PXT1: variants seen among roughly 807,000 people sequenced by gnomAD.
The protein encoded by PXT1 is peroxisomal testis-specific protein 1.
PXT1 carries 11 observed loss-of-function variants against 11.0 expected under a neutral mutation model. The observed-to-expected ratio is 1.00, with a 90% CI of 0.63 to 1.66. The LOEUF (loss-of-function observed/expected upper bound fraction) is 1.66. Among genes scored for constraint, PXT1 ranks in the 40% most tolerant of loss-of-function variants. The pLI, the probability that PXT1 is intolerant of heterozygous loss-of-function variation, is 0.00. For synonymous variants in PXT1, 43 were observed against 51.4 expected, an observed-to-expected ratio of 0.84 and a Z score of 0.70; for missense variants, 141 against 155.5, an observed-to-expected ratio of 0.91 and a Z score of 0.49.
intron 3 of PXT1, among the ~76,000 whole-genome samples, chr6:36,422,128 T>A (rs1774531871): frequency 6.6e-6 from 1 of 152,236 alleles, no homozygotes; most frequent in Admixed American, 6.5e-5. Context: ...TATTGATATG[T>A]ATATTAGATA....
intron 3 of PXT1, among the ~76,000 whole-genome samples, chr6:36,415,780 T>C (rs1774437681): frequency 6.6e-6 from 1 of 152,222 alleles, no homozygotes; most frequent in Admixed American, 6.5e-5. Context: ...GGGCAAATTG[T>C]TGAGGTGAAG....
intron 3 of PXT1, among the ~76,000 whole-genome samples, chr6:36,417,896 G>T (rs1170137471): frequency 1.3e-5 from 2 of 152,072 alleles, no homozygotes; most frequent in African/African-American, 4.8e-5. Context: ...CAGCTTGGAG[G>T]CTTAAAAAGT....
At chr6:36,404,653 TAA>T (rs552096679) in intron 3 of PXT1, among the ~76,000 whole-genome samples, 5 of 138,296 alleles carry the variant, frequency 3.6e-5, no homozygotes, top group East Asian at 2.1e-4. Context: ...TTCTACTTAC[TAA>T]AAAAAAAAAA....
chr6:36,441,111 G>GAAAAAAAAA (rs970159726), intron 1 of PXT1, among the ~76,000 whole-genome samples: 1 of 71,228 alleles, frequency 1.4e-5, no homozygotes, highest in Admixed American at 1.4e-4. Flanking sequence ...TCCACAAAAA[G>GAAAAAAAAA]AAAAAAAAAA....
intron 3 of PXT1, among the ~76,000 whole-genome samples, chr6:36,423,160 G>T (rs1582265596): frequency 6.6e-6 from 1 of 152,222 alleles, no homozygotes; most frequent in Non-Finnish European, 1.5e-5. Context: ...CTGCCTTGTG[G>T]TTTCCATTTT....
At chr6:36,423,017 AC>A (rs1225375550) in intron 3 of PXT1, among the ~76,000 whole-genome samples, 2 of 144,428 alleles carry the variant, frequency 1.4e-5, no homozygotes, top group African/African-American at 2.5e-5. Flanking sequence ...ACTTCCCACG[AC>A]CCTCAACTCT....
chr6:36,418,711 G>A (rs1056676010), intron 3 of PXT1, among the ~76,000 whole-genome samples: 3 of 152,332 alleles, frequency 2.0e-5, no homozygotes, highest in Admixed American at 1.3e-4. Flanking sequence ...CATGGGCAGC[G>A]AGGCTGCAAG....
At chr6:36,439,515 A>T (rs1170286649) in intron 1 of PXT1, among the ~76,000 whole-genome samples, 1 of 151,814 alleles carries the variant, frequency 6.6e-6, no homozygotes, top group Non-Finnish European at 1.5e-5. Flanking sequence ...TGGGAGGCTG[A>T]GGTAGGATAA....
At chr6:36,425,800 C>CAAAACAAACAAACAAAAAAAA (rs1554154110) in intron 3 of PXT1, 114 bp downstream of exon 3, 23 of 216,714 alleles carry the variant, frequency 1.1e-4, no homozygotes, top group African/African-American at 7.0e-4. Context: ...AAAACAAAAA[C>CAAAACAAACAAACAAAAAAAA]AAAAAATATA....
In PXT1 at chr6:36,405,379, T is replaced by A. The variant is rs556571725; in HGVS notation, c.170-4795A>T. ...TAATTTATTATTGAAGAAAAACTGTTTTTTTTTTTTTATTTTGAGATGGAG... is the reference window on the plus strand; with the variant it reads ...TAATTTATTATTGAAGAAAAACTGTATTTTTTTTTTTATTTTGAGATGGAG... On this transcript the variant is annotated intron_variant, in intron 3 of 4. Coordinates refer to ENST00000454782, the MANE Select transcript of PXT1 (RefSeq NM_152990.4). 3.9e-3 allele frequency among the ~76,000 whole-genome samples: 320 copies of A among 82,962 alleles called. 3 individuals are homozygous for A. Among genetic ancestry groups the A allele is most frequent in the African/African-American group, 0.014 (304 of 21,806 alleles). The allele number at this position is 82,962 out of a possible 152,430, so 54.4% of individuals were successfully genotyped here. A position where few individuals can be genotyped will look rare whatever the true frequency, so the allele number is the denominator to read the frequency against.
At chr6:36,393,689 G>A (rs1248041197) in intron 4 of PXT1, among the ~76,000 whole-genome samples, 1 of 150,524 alleles carries the variant, frequency 6.6e-6, no homozygotes, top group Admixed American at 6.6e-5. Flanking sequence ...TTGTGCCATG[G>A]CATTCTAGCC....
At chr6:36,394,263 C>T (rs963024440) in intron 4 of PXT1, among the ~76,000 whole-genome samples, 1 of 152,182 alleles carries the variant, frequency 6.6e-6, no homozygotes, top group Admixed American at 6.5e-5. Context: ...TCTGAAACTC[C>T]ATTGCTTCTC....
intron 3 of PXT1, among the ~76,000 whole-genome samples, chr6:36,423,324 C>G (rs1048800892): frequency 1.3e-5 from 2 of 152,266 alleles, no homozygotes; most frequent in Admixed American, 6.5e-5. Context: ...TCCTCGGAAC[C>G]ACCTCGCGCA....
At chr6:36,420,118 G>T (rs559914646) in intron 3 of PXT1, among the ~76,000 whole-genome samples, 2 of 152,298 alleles carry the variant, frequency 1.3e-5, no homozygotes, top group Middle Eastern at 3.4e-3. Context: ...AAAGCCTGGA[G>T]ATACTCTCAC....
chr6:36,404,913 C>T (rs1182743139), intron 3 of PXT1, among the ~76,000 whole-genome samples: 4 of 152,090 alleles, frequency 2.6e-5, no homozygotes, highest in Non-Finnish European at 5.9e-5. Flanking sequence ...GCCACGATTG[C>T]GCCACTGGAC....
chr6:36,431,237 A>C (rs1774687629), intron 2 of PXT1, among the ~76,000 whole-genome samples: 1 of 152,222 alleles, frequency 6.6e-6, no homozygotes. Flanking sequence ...ATAACTAGGA[A>C]TGCTGAACTC....
At chr6:36,438,141 G>A (rs1418027310) in intron 2 of PXT1, among the ~76,000 whole-genome samples, 2 of 151,790 alleles carry the variant, frequency 1.3e-5, no homozygotes, top group African/African-American at 2.4e-5. Flanking sequence ...TCTTATAAAT[G>A]AGGCACATGT....
At chr6:36,396,855 A>C (rs1774151186) in intron 4 of PXT1, among the ~76,000 whole-genome samples, 1 of 152,122 alleles carries the variant, frequency 6.6e-6, no homozygotes, top group Admixed American at 6.5e-5. Flanking sequence ...AACAAGTTGC[A>C]GAGAGGAACT....
At chr6:36,436,164 G>A (rs1190040798) in intron 2 of PXT1, among the ~76,000 whole-genome samples, 1 of 139,348 alleles carries the variant, frequency 7.2e-6, no homozygotes, top group Non-Finnish European at 1.5e-5. Flanking sequence ...TGAGTAAGTG[G>A]CACAAAATAA....
Sources: gnomAD v4.1 joint callset for allele counts (sites outside exome capture counted in the v4.1 genomes callset) on GRCh38, gnomAD v4.1.1 for gene constraint, MANE v1.5 for transcripts, NCBI Gene and HGNC (gene_info 2026-07-23, HGNC 2026-07-21) for gene names.